The following TRAPPC9 variants were observed in gnomAD, a reference collection of about 807,000 sequenced individuals.
The protein encoded by TRAPPC9 is trafficking protein particle complex subunit 9.
In TRAPPC9, 83 loss-of-function variants were observed where a neutral mutation model predicts 124.0. The ratio of observed to expected loss-of-function variants is 0.67; its 90% CI spans 0.56 to 0.80. The LOEUF is 0.80. TRAPPC9 is among the 30% of genes least tolerant of loss of function. The pLI is 0.00. For missense variants in TRAPPC9, 1,302 were observed against 1,508.3 expected (o/e 0.86, Z 2.27); for synonymous variants, 638 against 617.5 (o/e 1.03, Z -0.49).
At chr8:140,106,186 A>C (rs1321757798) in intron 17 of TRAPPC9, among the ~76,000 whole-genome samples, 1 of 152,136 alleles carries the variant, frequency 6.6e-6, no homozygotes, top group Non-Finnish European at 1.5e-5. Context: ...CTGCTTCCTC[A>C]TTCAGCACCT....
At chr8:140,457,618 G>T in intron 1 of TRAPPC9, 21 bp downstream of exon 1, 1 of 985,716 alleles carries the variant, frequency 1.0e-6, no homozygotes, top group Non-Finnish European at 1.2e-6. Flanking sequence ...CTGACCGGGA[G>T]CCCCCCCGCT....
chr8:140,245,299 A>C (rs561917491), intron 16 of TRAPPC9, among the ~76,000 whole-genome samples: 10 of 152,268 alleles, frequency 6.6e-5, no homozygotes, highest in African/African-American at 1.4e-4. Flanking sequence ...CCTCGCCCAC[A>C]GGGCCCACCA....
intron 19 of TRAPPC9, among the ~76,000 whole-genome samples, chr8:139,935,545 AAG>A (rs1448595089): frequency 6.6e-6 from 1 of 152,194 alleles, no homozygotes; most frequent in Non-Finnish European, 1.5e-5. Context: ...GCCTATAAAA[AAG>A]AGAGAAGAGG....
chr8:140,227,774 C>T (rs1026305483), intron 16 of TRAPPC9, among the ~76,000 whole-genome samples: 4 of 152,198 alleles, frequency 2.6e-5, no homozygotes, highest in Admixed American at 2.6e-4. Flanking sequence ...GCACACCATC[C>T]AACTCTTCAC....
chr8:139,930,760 C>T (rs1833091446), intron 19 of TRAPPC9, among the ~76,000 whole-genome samples: 1 of 152,200 alleles, frequency 6.6e-6, no homozygotes, highest in Non-Finnish European at 1.5e-5. Context: ...CAGCCTCATT[C>T]CACCGCTGTC....
chr8:140,016,996 G>A (rs1563691949), intron 18 of TRAPPC9, among the ~76,000 whole-genome samples: 1 of 152,160 alleles, frequency 6.6e-6, no homozygotes, highest in Non-Finnish European at 1.5e-5. Context: ...TGGGTATATA[G>A]TAGTATCTAA....
chr8:140,199,881 G>A (rs2062749904), intron 17 of TRAPPC9, among the ~76,000 whole-genome samples: 1 of 152,110 alleles, frequency 6.6e-6, no homozygotes, highest in Non-Finnish European at 1.5e-5. Flanking sequence ...TGTTTTGACT[G>A]AAAACCATAG....
At chr8:140,358,501 C>A (rs888122544) in intron 9 of TRAPPC9, among the ~76,000 whole-genome samples, 3 of 152,218 alleles carry the variant, frequency 2.0e-5, no homozygotes, top group Non-Finnish European at 4.4e-5. Context: ...GCTACCACAT[C>A]CGGCCAGAAT....
At position 139,845,589 on chromosome 8, in the gene TRAPPC9, TCTC is replaced by T. The variant is rs541554055; in HGVS notation, c.3055+40287_3055+40289del. Among the ~76,000 whole-genome samples the T allele has an allele frequency of 4.6e-5, 7 of 152,014 alleles. 1 individual carries two copies. The South Asian group carries it at 1.5e-3, about 32-fold the overall frequency. The stretch of plus-strand genomic sequence containing the variant: ...GAGGGTTTGTGCAAATTCCAGGAGG[TCTC>T]CTTACACCGGGGAGGGAGTGCCTTC... On this transcript the variant is annotated intron_variant, in intron 21 of 22. Transcript: ENST00000438773.
At chr8:139,938,570 C>A (rs1336570846) in intron 19 of TRAPPC9, among the ~76,000 whole-genome samples, 1 of 151,766 alleles carries the variant, frequency 6.6e-6, no homozygotes, top group African/African-American at 2.4e-5. Flanking sequence ...CAGGCATGAG[C>A]CACTGTGCCC....
At position 139,958,946 on chromosome 8, in the gene TRAPPC9, C is replaced by T. The variant is rs1166042017; in HGVS notation, c.2810+29780G>A. 8.9e-5 allele frequency among the ~76,000 whole-genome samples: 12 copies of T among 134,714 alleles called. 1 individual carries two copies. Among genetic ancestry groups the T allele is most frequent in the South Asian group, 2.3e-4 (1 of 4,310 alleles). The allele number at this position is 134,714 out of a possible 152,430, so 88.4% of individuals were successfully genotyped here. A position where few individuals can be genotyped will look rare whatever the true frequency, so the allele number is the denominator to read the frequency against. The stretch of plus-strand genomic sequence containing the variant: ...AGTCACACGGGGGAGCACTGCATTC[C>T]GAGTCACACGGGGGAGCCCTGCATT... On this transcript the variant is annotated intron_variant, in intron 19 of 22. Coordinates refer to ENST00000438773, the MANE Select transcript of TRAPPC9 (RefSeq NM_001160372.4).
chr8:140,264,893 C>G (rs1431777061), intron 15 of TRAPPC9, among the ~76,000 whole-genome samples: 1 of 152,090 alleles, frequency 6.6e-6, no homozygotes, highest in Non-Finnish European at 1.5e-5. Context: ...GGGATGACCA[C>G]GTGAGAGAGG....
intron 17 of TRAPPC9, among the ~76,000 whole-genome samples, chr8:140,056,286 T>C (rs1033501754): frequency 6.6e-6 from 1 of 151,794 alleles, no homozygotes; most frequent in African/African-American, 2.4e-5. Flanking sequence ...GGTGTGCACC[T>C]GTAGTCCTAG....
intron 11 of TRAPPC9, among the ~76,000 whole-genome samples, chr8:140,295,889 CAAAT>C (rs768351853): frequency 2.0e-5 from 3 of 152,188 alleles, no homozygotes; most frequent in Non-Finnish European, 4.4e-5. Context: ...TCCTACCAAA[CAAAT>C]AATGTGCATT....
At chr8:140,282,589 T>C (rs946483790) in intron 14 of TRAPPC9, among the ~76,000 whole-genome samples, 1 of 149,522 alleles carries the variant, frequency 6.7e-6, no homozygotes, top group African/African-American at 2.5e-5. Flanking sequence ...ATTGAGACCA[T>C]CCCAAATTCC....
intron 17 of TRAPPC9, chr8:140,095,275 ACC>A (rs1844860067): frequency 6.6e-6 from 1 of 152,248 alleles, no homozygotes; most frequent in South Asian, 2.1e-4. Context: ...TATAACATGC[ACC>A]TGACAGATGG....
At chr8:139,853,143 C>A (rs1219127184) in intron 21 of TRAPPC9, among the ~76,000 whole-genome samples, 1 of 152,218 alleles carries the variant, frequency 6.6e-6, no homozygotes, top group African/African-American at 2.4e-5. Flanking sequence ...CTGTAAAGGC[C>A]TCTGGCCCCC....
chr8:140,037,446 C>T (rs919050061), intron 17 of TRAPPC9, among the ~76,000 whole-genome samples: 1 of 152,138 alleles, frequency 6.6e-6, no homozygotes, highest in Non-Finnish European at 1.5e-5. Flanking sequence ...CAAATTTCCA[C>T]ATCTGTTCTT....
At chr8:139,746,885 T>G (rs1818931436) in intron 21 of TRAPPC9, among the ~76,000 whole-genome samples, 1 of 152,232 alleles carries the variant, frequency 6.6e-6, no homozygotes, top group South Asian at 2.1e-4. Context: ...AGCTGTGTTT[T>G]GCACCAGGAA....
Sources: gnomAD v4.1 joint callset for allele counts (sites outside exome capture counted in the v4.1 genomes callset) on GRCh38, gnomAD v4.1.1 for gene constraint, MANE v1.5 for transcripts, NCBI Gene and HGNC (gene_info 2026-07-23, HGNC 2026-07-21) for gene names.